COL4A5: variants seen among roughly 807,000 people sequenced by gnomAD.
The protein encoded by COL4A5 is collagen type IV alpha 5 chain.
COL4A5 carries 26 observed loss-of-function variants against 130.2 expected under a neutral mutation model. That is an observed-to-expected ratio of 0.20 (90% CI 0.15 to 0.28). The LOEUF is 0.28. Ranked by LOEUF, COL4A5 falls within the 10% of genes least tolerant of loss-of-function variation. COL4A5 has a pLI of 1.00. For missense variants in COL4A5, 1,131 were observed against 1,344.3 expected (o/e 0.84, Z 2.48); for synonymous variants, 496 against 439.6 (o/e 1.13, Z -1.60).
At chrX:108,696,125 G>T (rs2068728593) in intron 52 of COL4A5, 172 bp from the exon 53 acceptor site, 1 of 447,968 alleles carries the variant, frequency 2.2e-6, no homozygotes, top group Non-Finnish European at 4.0e-6. Flanking sequence ...ACCACTAATG[G>T]CTCTTAAACC....
chrX:108,652,492 G>A (rs1439446407), intron 36 of COL4A5, among the ~76,000 whole-genome samples: 1 of 112,292 alleles, frequency 8.9e-6, no homozygotes. Context: ...TCCTTTTGTT[G>A]TCTTTGTTTC....
chrX:108,697,376 G>A lies in COL4A5; in HGVS notation c.*998G>A, dbSNP rs1292729319. The A allele has an allele frequency of 9.1e-6, 1 of 110,492 alleles. No individual in the cohort carries two copies. The highest frequency in any genetic ancestry group is 1.9e-5 in the Non-Finnish European group (1 of 52,944). 9.1% of individuals were successfully genotyped at this position (110,492 alleles called of 1,213,427 possible). A position where few individuals can be genotyped will look rare whatever the true frequency, so the allele number is the denominator to read the frequency against. On this transcript the variant is annotated 3_prime_UTR_variant, in exon 53 of 53. Coordinates refer to ENST00000328300, the MANE Select transcript of COL4A5 (RefSeq NM_033380.3). ...AGAACTGGGAAACAACACTTGGTTA[G>A]TCTCTTTTAAGTTACAAAAAGCCAA...
intron 1 of COL4A5, among the ~76,000 whole-genome samples, chrX:108,488,562 T>A (rs768677364): frequency 8.9e-6 from 1 of 112,239 alleles, no homozygotes; most frequent in Non-Finnish European, 1.9e-5. Flanking sequence ...AATGTATAAC[T>A]GTGTTTTCCT....
chrX:108,637,120 A>G (rs1308604761), intron 36 of COL4A5, among the ~76,000 whole-genome samples: 2 of 108,661 alleles, frequency 1.8e-5, no homozygotes, highest in African/African-American at 6.7e-5. Context: ...TTTTTTGTAG[A>G]GATGGGGTTT....
At chrX:108,679,686 CT>C (rs1409791230) in intron 44 of COL4A5, among the ~76,000 whole-genome samples, 15 of 110,701 alleles carry the variant, frequency 1.4e-4, no homozygotes, top group African/African-American at 5.0e-4. Context: ...CAATAGCCTC[CT>C]ATATGATCTT....
chrX:108,694,878 C>T lies in COL4A5; in HGVS notation c.4778C>T (p.Pro1593Leu). 1 of 1,208,965 alleles carries T rather than the reference C, an allele frequency of 8.3e-7. No individual in the cohort carries two copies. Among genetic ancestry groups the T allele is most frequent in the Admixed American group, 2.2e-5 (1 of 45,991 alleles). ...CAGACGATCCAGATTCCCCATTGTC[C>T]TCAGGGATGGGATTCTCTGTGGATT... is the stretch of plus-strand genomic sequence containing the variant. Reference protein sequence around the residue: ...HSQTIQIPHCPQGWDSLWIGY... With the variant: ...HSQTIQIPHCLQGWDSLWIGY... Residue 1593 changes from proline to leucine, a missense_variant, in exon 51 of 53, where the codon CCT (proline) becomes CTT (leucine). Physicochemically the swap from Pro to Leu is moderately conservative, Grantham distance 98. Transcript: ENST00000328300.
intron 37 of COL4A5, among the ~76,000 whole-genome samples, chrX:108,657,134 C>A (rs1463363646): frequency 1.8e-5 from 2 of 111,667 alleles, no homozygotes; most frequent in Non-Finnish European, 3.8e-5. Flanking sequence ...TTTAAACTTT[C>A]ATATTTGGCT....
chrX:108,639,517 G>GA (rs770616767), intron 36 of COL4A5, among the ~76,000 whole-genome samples: 1 of 110,996 alleles, frequency 9.0e-6, no homozygotes, highest in South Asian at 3.8e-4. Flanking sequence ...GGCAACAAAA[G>GA]AAAAAATAGA....
At chrX:108,521,710 T>A (rs1376870512) in intron 1 of COL4A5, among the ~76,000 whole-genome samples, 1 of 111,691 alleles carries the variant, frequency 9.0e-6, no homozygotes, top group Non-Finnish European at 1.9e-5. Context: ...AAGGCTAACT[T>A]GTTAACTTTC....
rs563232490 is a variant in COL4A5, at chrX:108,607,090, G to A, written c.2395+198G>A. On this transcript the variant is annotated intron_variant, in intron 29 of 52. Transcript: ENST00000328300. ...TGAATAGATAATAAAATCATGGCCC[G>A]GCACGGTGGCTCACTCCTGTAATCC... 2.5e-4 allele frequency among the ~76,000 whole-genome samples: 28 copies of A among 110,357 alleles called. No individual in the cohort carries two copies. In the South Asian group the frequency reaches 8.9e-3, roughly 35 times the overall value.
intron 24 of COL4A5, 125 bp downstream of exon 24, chrX:108,597,693 AC>A: frequency 1.6e-6 from 1 of 612,952 alleles, no homozygotes; most frequent in Non-Finnish European, 2.7e-6. Flanking sequence ...AAACAATGTG[AC>A]CATACAGTAA....
Position 108,622,769 on chromosome X carries a change from C to A in COL4A5, c.2861C>A (p.Pro954Gln). The A allele has an allele frequency of 8.3e-7, 1 of 1,210,087 alleles. No individual in the cohort carries two copies. Among genetic ancestry groups the A allele is most frequent in the Non-Finnish European group, 1.1e-6 (1 of 894,279 alleles). The part of the protein sequence containing the change: ...GEPGLPGPPG[P>Q]MDPNLLGSKG... ...CCTGGCCTTCCAGGCCCTCCTGGACCAATGGATCCAAATCTTCTGGGCTCA... is the reference window on the plus strand; with the variant it reads ...CCTGGCCTTCCAGGCCCTCCTGGACAAATGGATCCAAATCTTCTGGGCTCA... The change falls in exon 33 of 53, where the codon CCA becomes CAA. Residue 954 changes from proline (P) to glutamine (Q), a missense_variant. Transcript: ENST00000328300.
intron 1 of COL4A5, among the ~76,000 whole-genome samples, chrX:108,516,555 A>G (rs1044423883): frequency 8.9e-6 from 1 of 111,788 alleles, no homozygotes; most frequent in Admixed American, 9.5e-5. Flanking sequence ...TAGAATGGAA[A>G]GCTGCAGTAC....
intron 1 of COL4A5, among the ~76,000 whole-genome samples, chrX:108,450,409 T>C (rs929784004): frequency 8.9e-6 from 1 of 112,101 alleles, no homozygotes; most frequent in African/African-American, 3.2e-5. Flanking sequence ...TCATTTTTAC[T>C]TGAAAAACAA....
At chrX:108,468,158 T>C (rs1402732210) in intron 1 of COL4A5, among the ~76,000 whole-genome samples, 3 of 112,084 alleles carry the variant, frequency 2.7e-5, no homozygotes, top group Non-Finnish European at 3.8e-5. Context: ...GTTTTTACTG[T>C]GACCCATCAC....
intron 1 of COL4A5, among the ~76,000 whole-genome samples, chrX:108,486,550 T>A: frequency 9.0e-6 from 1 of 111,634 alleles, no homozygotes; most frequent in East Asian, 2.8e-4. Context: ...CAATGTGCAG[T>A]CTTTTATCCC....
chrX:108,458,410 A>T (rs901656834), intron 1 of COL4A5, among the ~76,000 whole-genome samples: 1 of 111,670 alleles, frequency 9.0e-6, no homozygotes, highest in Admixed American at 9.5e-5. Flanking sequence ...CAATACCACA[A>T]TGTCTTCACT....
At chrX:108,695,696 G>C in intron 52 of COL4A5, 1 of 353,162 alleles carries the variant, frequency 2.8e-6, no homozygotes, top group Non-Finnish European at 5.0e-6. Context: ...GAAAGGTTAT[G>C]TGACCTTCCT....
intron 1 of COL4A5, among the ~76,000 whole-genome samples, chrX:108,447,621 T>A (rs1156643232): frequency 2.7e-5 from 3 of 112,091 alleles, no homozygotes; most frequent in Non-Finnish European, 5.6e-5. Flanking sequence ...ATTATACTCC[T>A]ATCAGTAGTG....
Sources: allele counts gnomAD v4.1 joint callset (sites outside exome capture counted in the v4.1 genomes callset), GRCh38; gene constraint gnomAD v4.1.1; transcripts MANE v1.5; gene names NCBI Gene and HGNC (gene_info 2026-07-23, HGNC 2026-07-21).